Variants in DEPDC4 observed in about 807,000 individuals in gnomAD.
DEPDC4 encodes the protein DEP domain-containing protein 4.
Under a neutral mutation model 52.0 loss-of-function variants are expected in DEPDC4, and 52 were observed. The observed-to-expected ratio is 1.00, with a 90% CI of 0.80 to 1.26. DEPDC4 has a LOEUF of 1.26. Ranked by LOEUF, DEPDC4 falls within the 50% of genes most tolerant of loss-of-function variation. The pLI is 0.00. For synonymous variants in DEPDC4, 201 were observed against 196.8 expected (o/e 1.02, Z -0.18); for missense variants, 530 against 546.9 (o/e 0.97, Z 0.31).
intron 3 of DEPDC4, among the ~76,000 whole-genome samples, chr12:100,258,013 ATAGATAGATAGG>A (rs1433943689): frequency 5.2e-5 from 7 of 135,480 alleles, no homozygotes; most frequent in East Asian, 2.1e-4. Context: ...AGATAGATAG[ATAGATAGATAGG>A]GTCTTGCTCT....
intron 3 of DEPDC4, among the ~76,000 whole-genome samples, chr12:100,259,081 AAT>A (rs1555312802): frequency 2.0e-5 from 3 of 149,080 alleles, no homozygotes; most frequent in African/African-American, 5.0e-5. Flanking sequence ...AAAAAAAAAA[AAT>A]ATATATATAT....
downstream of DEPDC4, among the ~76,000 whole-genome samples, chr12:100,238,637 C>A (rs1358795939): frequency 6.6e-6 from 1 of 151,560 alleles, no homozygotes; most frequent in Non-Finnish European, 1.5e-5. Flanking sequence ...AGGCACCCAC[C>A]ACTGTACCTG....
Position 100,231,823 on chromosome 12 carries a change from T to C in DEPDC4, c.*699+6145A>G, listed in dbSNP as rs141946519. On this transcript the variant is annotated intron_variant and NMD_transcript_variant, in intron 9 of 10. Coordinates refer to the DEPDC4 transcript ENST00000378244. ...AGGCAGGTGTGGTGGGTCACGCTTG[T>C]AGTACCAGCTACTCAGGAGGCTGAG... 2.0e-3 allele frequency among the ~76,000 whole-genome samples: 299 copies of C among 152,100 alleles called. 1 individual carries two copies. Among genetic ancestry groups the C allele is most frequent in the African/African-American group, 6.8e-3 (280 of 41,478 alleles).
chr12:100,243,109 A>G (rs1275863818), intron 8 of DEPDC4, among the ~76,000 whole-genome samples: 1 of 152,216 alleles, frequency 6.6e-6, no homozygotes, highest in African/African-American at 2.4e-5. Flanking sequence ...ATAATAAAAT[A>G]GAGCAATTAT....
At chr12:100,274,552 T>C in the DEPDC4 span, among the ~76,000 whole-genome samples, 1 of 152,212 alleles carries the variant, frequency 6.6e-6, no homozygotes, top group Non-Finnish European at 1.5e-5. Context: ...GTATTTCTTA[T>C]CAAACTTCCT....
intron 3 of DEPDC4, among the ~76,000 whole-genome samples, chr12:100,257,948 G>C (rs775952726): frequency 1.3e-5 from 2 of 151,512 alleles, no homozygotes; most frequent in Non-Finnish European, 2.9e-5. Flanking sequence ...AAAAACGGGA[G>C]ATTTCATGTG....
Position 100,256,264 on chromosome 12 carries a change from A to T in DEPDC4, c.701-38T>A, listed in dbSNP as rs748386993. ...AGTAATGCAATGATCAAGATTGGTA[A>T]ATAAAACATACACATTCAACCAATA... On this transcript the variant is annotated intron_variant, in intron 3 of 9. Transcript: ENST00000550587. The T allele has an allele frequency of 1.4e-5, 20 of 1,457,212 alleles. No individual in the cohort carries two copies. The African/African-American group carries it at 2.4e-4, about 17-fold the overall frequency. 90.3% of individuals were successfully genotyped at this position (1,457,212 alleles called of 1,614,324 possible). A position where few individuals can be genotyped will look rare whatever the true frequency, so the allele number is the denominator to read the frequency against.
chr12:100,253,090 G>T (rs2096215364), intron 5 of DEPDC4, among the ~76,000 whole-genome samples: 1 of 152,188 alleles, frequency 6.6e-6, no homozygotes, highest in South Asian at 2.1e-4. Flanking sequence ...CTAATTTTTG[G>T]TATTTTTAGT....
chr12:100,278,207 G>GTT, the DEPDC4 span, among the ~76,000 whole-genome samples: 2 of 151,262 alleles, frequency 1.3e-5, no homozygotes, highest in African/African-American at 4.9e-5. Context: ...GTTTTGTTTT[G>GTT]TTTTGTTTTA....
rs1043781228 is a variant in DEPDC4, at chr12:100,263,590, T to C, written c.461A>G (p.Asn154Ser). The change falls in exon 2 of 10, where the codon AAC becomes AGC. Residue 154 changes from asparagine to serine, a missense_variant. Transcript: ENST00000550587. ...KEKELEFEDS[N>S]ISLYRFLGNK... Reference sequence around the variant, plus strand: ...GCCTAGAAACCTGTAGAGACTAATGTTGGAATCTTCAAATTCTAATTCCTT... The same window carrying C: ...GCCTAGAAACCTGTAGAGACTAATGCTGGAATCTTCAAATTCTAATTCCTT... The C allele has an allele frequency of 1.9e-6, 3 of 1,613,958 alleles. No homozygotes were observed. In the African/African-American group the frequency reaches 4.0e-5, roughly 22 times the overall value.
At position 100,267,025 on chromosome 12, in the gene DEPDC4, G is replaced by T. The variant is rs1289057466; in HGVS notation, c.52C>A (p.Pro18Thr). 1 of 1,614,004 alleles carries T rather than the reference G, an allele frequency of 6.2e-7. No homozygotes were observed. Among genetic ancestry groups the T allele is most frequent in the Non-Finnish European group, 8.5e-7 (1 of 1,179,940 alleles). ...TGACTGACAAGTCTACGGAACCTCG[G>T]AGTCAAAAGAACCGCCATAAGCTCG... ...ARELMAVLLT[P>T]RFRRLVSQNE... Residue 18 changes from proline to threonine, a missense_variant, in exon 1 of 10, where the codon CCG (proline) becomes ACG (threonine). Pro to Thr is a conservative substitution (Grantham distance 38, BLOSUM62 -1). Coordinates refer to ENST00000550587, the MANE Select transcript of DEPDC4 (RefSeq NM_001364818.2).
intron 3 of DEPDC4, among the ~76,000 whole-genome samples, chr12:100,260,146 G>A (rs1403908341): frequency 6.6e-6 from 1 of 151,592 alleles, no homozygotes; most frequent in African/African-American, 2.4e-5. Flanking sequence ...TTGAGACAGA[G>A]TTTCGCTCTT....
chr12:100,252,503 G>A lies in DEPDC4; in HGVS notation c.1139C>T (p.Thr380Ile), dbSNP rs372016580. The A allele has an allele frequency of 2.5e-6, 4 of 1,607,376 alleles. No individual in the cohort carries two copies. Among genetic ancestry groups the A allele is most frequent in the Non-Finnish European group, 2.5e-6 (3 of 1,178,976 alleles). Reference sequence around the variant, plus strand: ...CAACAGCAATCTTAGATATAGTTGTGTTGCTTCAAGTGCTTCTGCTCTTTT... The same window carrying A: ...CAACAGCAATCTTAGATATAGTTGTATTGCTTCAAGTGCTTCTGCTCTTTT... ...NEKRAEALEATQLYLRLLLLN... is the reference protein window; with the variant it reads ...NEKRAEALEAIQLYLRLLLLN... The change falls in exon 6 of 10, where the codon ACA becomes ATA. Residue 380 changes from threonine to isoleucine, a missense_variant. Thr to Ile is a moderately conservative substitution (Grantham distance 89). Transcript: ENST00000550587.
At chr12:100,243,127 T>C (rs1566309146) in intron 8 of DEPDC4, among the ~76,000 whole-genome samples, 1 of 152,182 alleles carries the variant, frequency 6.6e-6, no homozygotes, top group Non-Finnish European at 1.5e-5. Context: ...TATAACAATA[T>C]ATTAGAGTAA....
chr12:100,255,114 A>C (rs1418334033), intron 4 of DEPDC4, among the ~76,000 whole-genome samples: 1 of 152,196 alleles, frequency 6.6e-6, no homozygotes, highest in Non-Finnish European at 1.5e-5. Context: ...ATTGCAGATG[A>C]AAAGACTAAT....
chr12:100,274,438 T>A, the DEPDC4 span, among the ~76,000 whole-genome samples: 1 of 152,226 alleles, frequency 6.6e-6, no homozygotes, highest in African/African-American at 2.4e-5. Context: ...CCTATATATC[T>A]CTGTGACAAC....
chr12:100,249,145 GA>G lies in DEPDC4; in HGVS notation c.1375-168del, dbSNP rs199986471. Among the ~76,000 whole-genome samples the G allele has an allele frequency of 1.6e-4, 25 of 152,218 alleles. No individual in the cohort carries two copies. In the East Asian group the frequency reaches 4.8e-3, roughly 29 times the overall value. ...GAAGGCCTCTGAATCATAAATTCTT[GA>G]AATTTTTTTAGCACTCTTAAAATCT... is the stretch of plus-strand genomic sequence containing the variant. On this transcript the variant is annotated intron_variant, in intron 7 of 9. Coordinates refer to ENST00000550587, the MANE Select transcript of DEPDC4 (RefSeq NM_001364818.2).
chr12:100,244,448 T>TG (rs1318343545), intron 8 of DEPDC4, among the ~76,000 whole-genome samples: 1 of 151,940 alleles, frequency 6.6e-6, no homozygotes, highest in Non-Finnish European at 1.5e-5. Context: ...CCCAAAGTGC[T>TG]GGGATTACAG....
chr12:100,249,211 G>A (rs1390355653), intron 7 of DEPDC4, among the ~76,000 whole-genome samples: 2 of 151,902 alleles, frequency 1.3e-5, no homozygotes, highest in Non-Finnish European at 2.9e-5. Context: ...TTAAAATTAG[G>A]TTAACCCATC....
Sources: allele counts gnomAD v4.1 joint callset (sites outside exome capture counted in the v4.1 genomes callset), GRCh38; gene constraint gnomAD v4.1.1; transcripts MANE v1.5; gene names NCBI Gene and HGNC (gene_info 2026-07-23, HGNC 2026-07-21).